ZNF217: variants seen among roughly 807,000 people sequenced by gnomAD.
The protein encoded by ZNF217 is zinc finger protein 217.
A neutral mutation model predicts 73.3 loss-of-function variants in ZNF217; 12 were observed. That is an observed-to-expected ratio of 0.16 (90% CI 0.10 to 0.27). The LOEUF is 0.27. ZNF217 is among the 10% of genes least tolerant of loss of function. The probability of loss-of-function intolerance (pLI) is 1.00; values close to 1 mark genes in which losing one functional copy is unlikely to be tolerated. For synonymous variants in ZNF217, 588 were observed against 516.4 expected (o/e 1.14, Z -1.88); for missense variants, 1,195 against 1,327.8 (o/e 0.90, Z 1.55).
intron 2 of ZNF217, among the ~76,000 whole-genome samples, chr20:53,580,536 G>A (rs1044031857): frequency 6.6e-6 from 1 of 152,166 alleles, no homozygotes; most frequent in South Asian, 2.1e-4. Flanking sequence ...GAGGATGGGC[G>A]CAACTCCAAA....
At position 53,578,449 on chromosome 20, in the gene ZNF217, A is replaced by C; in HGVS notation, c.1368T>G (p.Asp456Glu). 1 of 1,554,456 alleles carries C rather than the reference A, an allele frequency of 6.4e-7. No homozygotes were observed. Among genetic ancestry groups the C allele is most frequent in the Non-Finnish European group, 8.7e-7 (1 of 1,154,078 alleles). ...TTATTTTTCCTCCATCATCATTTTT[A>C]TCTTAAAGGAAAAACAAAAATATTT... The part of the protein sequence containing the change: ...EDGLPEGIHL[D>E]KNDDGGKIKH... The change falls in exon 3 of 6, where the codon GAT (aspartate) becomes GAG (glutamate). Residue 456 changes from aspartate to glutamate, a missense_variant and splice_region_variant. By Grantham distance (45) the Asp-to-Glu change is conservative. Around this residue, in one of 9 missense-constraint regions of ZNF217, gnomAD observed 116 missense variants for 121.9 expected, o/e 0.95. Transcript: ENST00000371471.
chr20:53,590,367 C>A (rs1259727619), intron 1 of ZNF217, among the ~76,000 whole-genome samples: 3 of 152,126 alleles, frequency 2.0e-5, no homozygotes, highest in Non-Finnish European at 4.4e-5. Context: ...ACCTCAAAAT[C>A]TATAACATAC....
Position 53,572,854 on chromosome 20 carries a change from C to T in ZNF217, c.3038-1001G>A, listed in dbSNP as rs1456473666. The T allele has an allele frequency of 3.9e-5, 6 of 152,318 alleles. No individual in the cohort carries two copies. The East Asian group carries it at 9.6e-4, about 24-fold the overall frequency. 9.4% of individuals were successfully genotyped at this position (152,318 alleles called of 1,614,324 possible). On this transcript the variant is annotated intron_variant, in intron 4 of 5. Coordinates refer to ENST00000371471, the MANE Select transcript of ZNF217 (RefSeq NM_006526.3). Reference sequence around the variant, plus strand: ...ACACTGAGCTACTTTTTTACACATACAGGTATGTGCCAGACACCTGTACGA... The same window carrying T: ...ACACTGAGCTACTTTTTTACACATATAGGTATGTGCCAGACACCTGTACGA...
At chr20:53,594,756 G>C (rs1035256277), upstream of ZNF217, among the ~76,000 whole-genome samples, 1 of 152,178 alleles carries the variant, frequency 6.6e-6, no homozygotes, top group African/African-American at 2.4e-5. Context: ...GAACCCCTGG[G>C]TCACCCCGAA....
chr20:53,569,138 G>A lies in ZNF217; in HGVS notation c.*150C>T, dbSNP rs1230677121. 2.2e-6 allele frequency: 3 copies of A among 1,338,202 alleles called. No homozygotes were observed. The highest frequency in any genetic ancestry group is 3.0e-5 in the African/African-American group (2 of 67,064). 82.9% of individuals were successfully genotyped at this position (1,338,202 alleles called of 1,614,324 possible). A position where few individuals can be genotyped will look rare whatever the true frequency, so the allele number is the denominator to read the frequency against. ...ACTTTACACAACTGTAGTGTTCCTTGCAGATTCCTCATATGTTTTATGTAC... is the reference window on the plus strand; with the variant it reads ...ACTTTACACAACTGTAGTGTTCCTTACAGATTCCTCATATGTTTTATGTAC... On this transcript the variant is annotated 3_prime_UTR_variant, in exon 6 of 6. Coordinates refer to ENST00000371471, the MANE Select transcript of ZNF217 (RefSeq NM_006526.3).
chr20:53,569,327 T>C, intron 5 of ZNF217, 63 bp from the exon 6 acceptor site: 1 of 1,178,256 alleles, frequency 8.5e-7, no homozygotes, highest in Non-Finnish European at 1.1e-6. Flanking sequence ...AGAAAATTCT[T>C]TCTTTAAAAA....
At chr20:53,594,789 C>T (rs545902237), upstream of ZNF217, among the ~76,000 whole-genome samples, 7 of 152,302 alleles carry the variant, frequency 4.6e-5, no homozygotes, top group South Asian at 1.4e-3. Flanking sequence ...ACCTTAACGC[C>T]GTTGCTCGCG....
At chr20:53,593,258 G>A (rs1372715608) in intron 1 of ZNF217, among the ~76,000 whole-genome samples, 1 of 152,080 alleles carries the variant, frequency 6.6e-6, no homozygotes, top group Non-Finnish European at 1.5e-5. Flanking sequence ...TTTACGGGGG[G>A]ATGCCCGTCC....
intron 5 of ZNF217, among the ~76,000 whole-genome samples, chr20:53,571,076 G>T (rs572274484): frequency 3.0e-4 from 46 of 152,300 alleles, no homozygotes; most frequent in African/African-American, 1.1e-3. Flanking sequence ...TGTAACAGAT[G>T]GGCATGATCA....
intron 1 of ZNF217, among the ~76,000 whole-genome samples, chr20:53,591,456 AT>A (rs569363417): frequency 1.6e-3 from 239 of 152,230 alleles, no homozygotes; most frequent in African/African-American, 5.6e-3. Flanking sequence ...TATTCTAACA[AT>A]TAAAATAAAT....
In ZNF217 at chr20:53,581,440, GA is replaced by G. The variant is rs746863617; in HGVS notation, c.1366+20del. On this transcript the variant is annotated intron_variant, in intron 2 of 5. Transcript: ENST00000371471. This position sits in a 1 kb window ranked among gnomAD's most constrained non-coding sequence, Gnocchi z 4.9. ...GACAGACACAGGCGGAACAGCACGG[GA>G]CGGAGACAGGGCAGCTTACCCAGAT... is the stretch of plus-strand genomic sequence containing the variant. The G allele has an allele frequency of 6.3e-7, 1 of 1,588,060 alleles. No homozygotes were observed. The highest frequency in any genetic ancestry group is 1.7e-5 in the Admixed American group (1 of 59,028).
chr20:53,583,619 ATT>A (rs1988590792), intron 1 of ZNF217, among the ~76,000 whole-genome samples: 2 of 152,280 alleles, frequency 1.3e-5, no homozygotes, highest in Admixed American at 1.3e-4. Flanking sequence ...ACAATTTAAA[ATT>A]TGTTTCATAT....
chr20:53,588,510 A>G (rs1988774505), intron 1 of ZNF217, among the ~76,000 whole-genome samples: 1 of 151,990 alleles, frequency 6.6e-6, no homozygotes. Flanking sequence ...CAGCAAATTA[A>G]TTAACTGTTA....
chr20:53,593,087 T>C (rs1460192795), intron 1 of ZNF217, among the ~76,000 whole-genome samples: 1 of 151,648 alleles, frequency 6.6e-6, no homozygotes, highest in Non-Finnish European at 1.5e-5. Context: ...CGTGCATCCC[T>C]GTTCAGGGAT....
intron 5 of ZNF217, among the ~76,000 whole-genome samples, chr20:53,569,530 GCACC>G (rs969180377): frequency 3.9e-5 from 6 of 152,054 alleles, no homozygotes; most frequent in African/African-American, 1.4e-4. Context: ...CTACAGGCAT[GCACC>G]ACCACGCCCG....
intron 2 of ZNF217, among the ~76,000 whole-genome samples, chr20:53,578,661 TG>T (rs1363952992): frequency 1.3e-5 from 2 of 152,238 alleles, no homozygotes; most frequent in African/African-American, 4.8e-5. Context: ...GATTTTGTTT[TG>T]TTTTTTTCTG....
intron 1 of ZNF217, among the ~76,000 whole-genome samples, chr20:53,589,238 TTTG>T (rs1988800210): frequency 1.3e-5 from 2 of 152,212 alleles, no homozygotes; most frequent in African/African-American, 4.8e-5. Context: ...AGAAACAAGT[TTTG>T]TAAAGCTTAA....
chr20:53,578,182 A>C (rs1159375566), intron 3 of ZNF217, 152 bp downstream of exon 3: 2 of 528,852 alleles, frequency 3.8e-6, no homozygotes, highest in Non-Finnish European at 6.8e-6. Flanking sequence ...ATGGCACTAA[A>C]AGAATAAAAA....
chr20:53,574,069 C>CAAAAA (rs527884370), intron 4 of ZNF217, among the ~76,000 whole-genome samples: 1 of 121,180 alleles, frequency 8.3e-6, no homozygotes, highest in Non-Finnish European at 1.8e-5. Context: ...GACTCCATCT[C>CAAAAA]AAAAAAAAAA....
Sources: allele counts gnomAD v4.1 joint callset (sites outside exome capture counted in the v4.1 genomes callset), GRCh38; gene constraint gnomAD v4.1.1; regional missense constraint gnomAD v4.1.1; non-coding constraint Gnocchi (gnomAD v3.1); transcripts MANE v1.5; gene names NCBI Gene and HGNC (gene_info 2026-07-23, HGNC 2026-07-21).